ARHGAP6: variants seen among roughly 807,000 people sequenced by gnomAD.
The protein encoded by ARHGAP6 is Rho GTPase activating protein 6.
In ARHGAP6, 16 loss-of-function variants were observed where a neutral mutation model predicts 55.7. The observed-to-expected ratio is 0.29, with a 90% confidence interval of 0.19 to 0.44. The LOEUF (loss-of-function observed/expected upper bound fraction) is 0.44, where lower values mean the gene tolerates loss of function less well. Ranked by LOEUF, ARHGAP6 falls within the 20% of genes least tolerant of loss-of-function variation. The probability of loss-of-function intolerance (pLI) is 1.00; values close to 1 mark genes in which losing one functional copy is unlikely to be tolerated. For missense variants in ARHGAP6, 698 were observed against 808.9 expected (o/e 0.86, Z 1.66); for synonymous variants, 382 against 360.9 (o/e 1.06, Z -0.66).
chrX:11,567,372 G>A (rs1278413270), intron 1 of ARHGAP6, among the ~76,000 whole-genome samples: 2 of 108,609 alleles, frequency 1.8e-5, no homozygotes, highest in Non-Finnish European at 3.8e-5. Flanking sequence ...ATATGCCTCA[G>A]AAACCCCGTC....
At chrX:11,652,145 T>C (rs1266625405) in intron 1 of ARHGAP6, among the ~76,000 whole-genome samples, 1 of 112,457 alleles carries the variant, frequency 8.9e-6, no homozygotes, top group East Asian at 2.8e-4. Context: ...AGATCCCATT[T>C]GTCAATTTTT....
At chrX:11,473,424 GGTCACATTGGATTCGGGA>G (rs200348722) in intron 1 of ARHGAP6, among the ~76,000 whole-genome samples, 1,727 of 111,763 alleles carry the variant, frequency 0.015, 17 homozygotes, top group Middle Eastern at 0.027. Flanking sequence ...TAGTTAAGAT[GGTCACATTGGATTCGGGA>G]GGGCCCTAAA....
chrX:11,215,722 G>A (rs1250583853), intron 2 of ARHGAP6, among the ~76,000 whole-genome samples: 1 of 112,746 alleles, frequency 8.9e-6, no homozygotes, highest in Non-Finnish European at 1.9e-5. Context: ...ACCAGGAAAT[G>A]GAGCATGGAG....
intron 1 of ARHGAP6, among the ~76,000 whole-genome samples, chrX:11,255,506 A>G (rs2047483458): frequency 9.0e-6 from 1 of 111,163 alleles, no homozygotes; most frequent in African/African-American, 3.3e-5. Flanking sequence ...AATATAGATG[A>G]TGAAACTGAG....
chrX:11,494,325 C>T (rs759043135), intron 1 of ARHGAP6, among the ~76,000 whole-genome samples: 9 of 112,242 alleles, frequency 8.0e-5, no homozygotes, highest in African/African-American at 2.3e-4. Flanking sequence ...TCCTTTGGGA[C>T]GTAACTGAGC....
intron 1 of ARHGAP6, among the ~76,000 whole-genome samples, chrX:11,398,299 T>C (rs186573600): frequency 9.3e-6 from 1 of 107,179 alleles, no homozygotes; most frequent in Admixed American, 1.0e-4. Flanking sequence ...CGTGGGAGTA[T>C]CTTATTGTTT....
At position 11,183,377 on chromosome X, in the gene ARHGAP6, T is replaced by G. The variant is rs193174345; in HGVS notation, c.1274-1259A>C. Among the ~76,000 whole-genome samples the G allele has an allele frequency of 2.2e-3, 247 of 112,130 alleles. 1 individual carries two copies. The highest frequency in any genetic ancestry group is 4.6e-3 in the Middle Eastern group (1 of 217). ...TGTGAACAATTCTGTGCACACGTTT[T>G]TGTTCACATTTCTGATTGCTTTTCC... On this transcript the variant is annotated intron_variant, in intron 5 of 12. Coordinates refer to ENST00000337414, the MANE Select transcript of ARHGAP6 (RefSeq NM_013427.3).
At chrX:11,313,684 T>C (rs2048325136) in intron 1 of ARHGAP6, among the ~76,000 whole-genome samples, 1 of 112,557 alleles carries the variant, frequency 8.9e-6, no homozygotes, top group Non-Finnish European at 1.9e-5. Flanking sequence ...CTATTGGCTG[T>C]CTCTCTTACT....
intron 1 of ARHGAP6, among the ~76,000 whole-genome samples, chrX:11,338,414 C>T (rs775311938): frequency 9.0e-6 from 1 of 111,693 alleles, no homozygotes; most frequent in Admixed American, 9.5e-5. Flanking sequence ...AATGCAAGCT[C>T]TTATTTTTAG....
chrX:11,657,049 G>A (rs765358764), intron 1 of ARHGAP6, among the ~76,000 whole-genome samples: 4 of 111,980 alleles, frequency 3.6e-5, no homozygotes, highest in Non-Finnish European at 7.5e-5. Flanking sequence ...ATGACTATCT[G>A]TGTGAGTGGC....
At chrX:11,189,135 A>T in intron 3 of ARHGAP6, 151 bp from the exon 4 acceptor site, 1 of 668,287 alleles carries the variant, frequency 1.5e-6, no homozygotes, top group Non-Finnish European at 2.1e-6. Flanking sequence ...CATTTGTGTT[A>T]ATCAGAATGG....
At chrX:11,431,416 C>T (rs1382155022) in intron 1 of ARHGAP6, among the ~76,000 whole-genome samples, 1 of 112,760 alleles carries the variant, frequency 8.9e-6, no homozygotes, top group African/African-American at 3.2e-5. Context: ...TTAAAATTTT[C>T]CACAGTTAAT....
At chrX:11,586,807 A>G (rs1438118465) in intron 1 of ARHGAP6, among the ~76,000 whole-genome samples, 2 of 112,101 alleles carry the variant, frequency 1.8e-5, no homozygotes, top group Non-Finnish European at 3.8e-5. Context: ...CCATGAGCAT[A>G]GAATGTTTTT....
intron 1 of ARHGAP6, among the ~76,000 whole-genome samples, chrX:11,275,672 T>C (rs2047751555): frequency 8.9e-6 from 1 of 111,871 alleles, no homozygotes; most frequent in South Asian, 3.7e-4. Flanking sequence ...TTCTCAACTC[T>C]GAGGTGAAAA....
At chrX:11,231,565 A>C (rs1452480401) in intron 2 of ARHGAP6, among the ~76,000 whole-genome samples, 2 of 112,474 alleles carry the variant, frequency 1.8e-5, no homozygotes, top group East Asian at 5.6e-4. Flanking sequence ...CCCTGATGTT[A>C]AAATTTCATC....
intron 4 of ARHGAP6, among the ~76,000 whole-genome samples, chrX:11,186,715 A>G (rs938247925): frequency 8.9e-6 from 1 of 112,308 alleles, no homozygotes; most frequent in African/African-American, 3.2e-5. Context: ...ACATATAATT[A>G]AAGTATTTTG....
At chrX:11,310,976 A>G (rs2048293562) in intron 1 of ARHGAP6, among the ~76,000 whole-genome samples, 2 of 112,358 alleles carry the variant, frequency 1.8e-5, no homozygotes, top group Non-Finnish European at 3.7e-5. Context: ...ATTAAATGCA[A>G]CTTAAGCACA....
intron 1 of ARHGAP6, among the ~76,000 whole-genome samples, chrX:11,655,324 T>C (rs2052626324): frequency 8.9e-6 from 1 of 112,570 alleles, no homozygotes; most frequent in South Asian, 3.7e-4. Context: ...ATTTGGCTAT[T>C]ATGAATACTG....
At chrX:11,535,206 C>T (rs756701774) in intron 1 of ARHGAP6, among the ~76,000 whole-genome samples, 4 of 111,906 alleles carry the variant, frequency 3.6e-5, no homozygotes, top group African/African-American at 1.3e-4. Context: ...CATTTAGCCA[C>T]CCTGCTTCCC....
Sources: allele counts gnomAD v4.1 joint callset (sites outside exome capture counted in the v4.1 genomes callset), GRCh38; gene constraint gnomAD v4.1.1; transcripts MANE v1.5; gene names NCBI Gene and HGNC (gene_info 2026-07-23, HGNC 2026-07-21).